Variants in UNC5C observed in about 807,000 individuals in gnomAD.
UNC5C encodes the protein unc-5 netrin receptor C.
In UNC5C, 47 loss-of-function variants were observed where a neutral mutation model predicts 99.8. The ratio of observed to expected loss-of-function variants is 0.47; its 90% CI spans 0.37 to 0.60. UNC5C has a LOEUF of 0.60. Among genes scored for constraint, UNC5C ranks in the 20% least tolerant of loss-of-function variants. The pLI is 0.00. For synonymous variants in UNC5C, 487 were observed against 452.2 expected (o/e 1.08, Z -0.98); for missense variants, 1,062 against 1,165.9 (o/e 0.91, Z 1.30).
intron 7 of UNC5C, among the ~76,000 whole-genome samples, chr4:95,238,693 C>T (rs1739216985): frequency 6.6e-6 from 1 of 152,076 alleles, no homozygotes; most frequent in African/African-American, 2.4e-5. Flanking sequence ...CTCATTCTAT[C>T]CTCCATTAGT....
At chr4:95,263,150 A>G (rs1740309503) in intron 4 of UNC5C, among the ~76,000 whole-genome samples, 1 of 152,050 alleles carries the variant, frequency 6.6e-6, no homozygotes, top group Non-Finnish European at 1.5e-5. Context: ...TTGTTCTTAC[A>G]TTTTCTTAAT....
intron 10 of UNC5C, among the ~76,000 whole-genome samples, chr4:95,209,852 C>A (rs1413060044): frequency 2.0e-5 from 3 of 152,102 alleles, no homozygotes; most frequent in East Asian, 1.9e-4. Context: ...GGGGAAAAAA[C>A]CAATGATTGC....
intron 4 of UNC5C, among the ~76,000 whole-genome samples, chr4:95,260,923 C>T (rs992282152): frequency 3.9e-5 from 6 of 152,128 alleles, no homozygotes; most frequent in African/African-American, 1.4e-4. Context: ...CTCACAGCAG[C>T]CTGTGAAAGA....
At chr4:95,284,559 C>T (rs1406053198) in intron 3 of UNC5C, among the ~76,000 whole-genome samples, 3 of 152,044 alleles carry the variant, frequency 2.0e-5, no homozygotes, top group Non-Finnish European at 2.9e-5. Context: ...ACACTTGGAT[C>T]TACAGGTGTG....
chr4:95,502,099 T>G (rs193174572), intron 1 of UNC5C, among the ~76,000 whole-genome samples: 164 of 152,248 alleles, frequency 1.1e-3, no homozygotes, highest in African/African-American at 3.6e-3. Flanking sequence ...GTGTTCTTAC[T>G]TCATTACTAG....
At position 95,167,418 on chromosome 4, in the gene UNC5C, G is replaced by GT. The variant is rs1366963953; in HGVS notation, c.*1815dup. ...CTAACAAACATTTTGCAGGACAAAA[G>GT]TTTTTAAAGAGCTAACTAGACAGCT... On this transcript the variant is annotated 3_prime_UTR_variant, in exon 16 of 16. Transcript: ENST00000453304. 1.3e-5 allele frequency: 2 copies of GT among 152,150 alleles called. No individual in the cohort carries two copies. Among genetic ancestry groups the GT allele is most frequent in the African/African-American group, 4.8e-5 (2 of 41,430 alleles). 9.4% of individuals were successfully genotyped at this position (152,150 alleles called of 1,614,324 possible). A position where few individuals can be genotyped will look rare whatever the true frequency, so the allele number is the denominator to read the frequency against.
At chr4:95,179,174 TC>T (rs1348071582) in intron 14 of UNC5C, among the ~76,000 whole-genome samples, 3 of 152,202 alleles carry the variant, frequency 2.0e-5, no homozygotes, top group African/African-American at 7.2e-5. Flanking sequence ...GACTCCACAG[TC>T]CTGAAACAAC....
intron 9 of UNC5C, among the ~76,000 whole-genome samples, chr4:95,217,165 A>C (rs1738281351): frequency 6.6e-6 from 1 of 152,216 alleles, no homozygotes; most frequent in Non-Finnish European, 1.5e-5. Context: ...AAAAAGGAAA[A>C]GATAGTCTTC....
At chr4:95,304,903 G>A (rs1349746453) in intron 2 of UNC5C, among the ~76,000 whole-genome samples, 2 of 152,176 alleles carry the variant, frequency 1.3e-5, no homozygotes, top group Non-Finnish European at 2.9e-5. Flanking sequence ...TTAAATGCTT[G>A]AGGAATTCAG....
rs371979641 is a variant in UNC5C, at chr4:95,203,015, G to A, written c.1903-51C>T. 4.4e-5 allele frequency: 69 copies of A among 1,567,814 alleles called. 1 individual carries two copies. Among genetic ancestry groups the A allele is most frequent in the Admixed American group, 3.4e-4 (20 of 59,078 alleles). ...GGCTAAGTCACCCAGGACGCATGCC[G>A]GCCACCAGGGATGGTGGTGAATGGT... On this transcript the variant is annotated intron_variant, in intron 11 of 15. Transcript: ENST00000453304.
At chr4:95,198,572 G>A (rs905029419) in intron 12 of UNC5C, among the ~76,000 whole-genome samples, 8 of 133,430 alleles carry the variant, frequency 6.0e-5, no homozygotes, top group Non-Finnish European at 1.3e-4. Context: ...TGGAAAGACA[G>A]ACCACAAGGC....
chr4:95,350,412 T>C (rs1407981641), intron 1 of UNC5C, among the ~76,000 whole-genome samples: 1 of 151,890 alleles, frequency 6.6e-6, no homozygotes, highest in Non-Finnish European at 1.5e-5. Flanking sequence ...ACTTGAACCC[T>C]TGAGGGGGAG....
intron 1 of UNC5C, among the ~76,000 whole-genome samples, chr4:95,338,321 C>G (rs1190911424): frequency 6.6e-6 from 1 of 152,026 alleles, no homozygotes; most frequent in Non-Finnish European, 1.5e-5. Context: ...TTTTACGAAA[C>G]TGTATCCTAA....
intron 1 of UNC5C, among the ~76,000 whole-genome samples, chr4:95,350,103 C>T (rs1256195991): frequency 1.3e-5 from 2 of 152,080 alleles, no homozygotes; most frequent in Non-Finnish European, 2.9e-5. Context: ...TAATTTGTAA[C>T]TCATTAGTAC....
At chr4:95,289,010 C>T (rs571699592) in intron 3 of UNC5C, among the ~76,000 whole-genome samples, 2 of 152,286 alleles carry the variant, frequency 1.3e-5, no homozygotes, top group Middle Eastern at 3.4e-3. Context: ...TCTGCTCTGC[C>T]ATAGTTTAAT....
chr4:95,327,331 C>T (rs974276018), intron 2 of UNC5C, among the ~76,000 whole-genome samples: 2 of 152,132 alleles, frequency 1.3e-5, no homozygotes, highest in East Asian at 3.9e-4. Context: ...TTTATGATAG[C>T]AGGCAAAGAG....
Position 95,224,396 on chromosome 4 carries a change from T to A in UNC5C, c.1109-4220A>T, listed in dbSNP as rs115756198. On this transcript the variant is annotated intron_variant, in intron 7 of 15. Transcript: ENST00000453304. ...TATCACGTGGTCCGAAATTTCTCCC[T>A]GTAAAGCAGTTCTGAGTTTTTTGTC... Among the ~76,000 whole-genome samples the A allele has an allele frequency of 6.1e-3, 924 of 152,358 alleles. 12 individuals carry two copies. Among genetic ancestry groups the A allele is most frequent in the African/African-American group, 0.021 (878 of 41,586 alleles).
chr4:95,258,535 C>T (rs548294263), intron 4 of UNC5C, among the ~76,000 whole-genome samples: 1 of 152,136 alleles, frequency 6.6e-6, no homozygotes, highest in East Asian at 1.9e-4. Context: ...AAATAATGTT[C>T]AAACAATTTC....
chr4:95,340,263 A>G (rs1743516490), intron 1 of UNC5C, among the ~76,000 whole-genome samples: 1 of 152,156 alleles, frequency 6.6e-6, no homozygotes. Context: ...CATAAGACTT[A>G]AACTATTATT....
Sources: gnomAD v4.1 joint callset for allele counts (sites outside exome capture counted in the v4.1 genomes callset) on GRCh38, gnomAD v4.1.1 for gene constraint, MANE v1.5 for transcripts, NCBI Gene and HGNC (gene_info 2026-07-23, HGNC 2026-07-21) for gene names.